The following MAP4 variants were observed in gnomAD, a reference collection of about 807,000 sequenced individuals.
The protein encoded by MAP4 is microtubule-associated protein 4.
MAP4 carries 76 observed loss-of-function variants against 170.2 expected under a neutral mutation model. The observed-to-expected ratio is 0.45, with a 90% CI of 0.37 to 0.54. The LOEUF is 0.54. Among genes scored for constraint, MAP4 ranks in the 20% least tolerant of loss-of-function variants. The pLI, the probability that MAP4 is intolerant of heterozygous loss-of-function variation, is 0.00. For synonymous variants in MAP4, 909 were observed against 994.5 expected (o/e 0.91, Z 1.62); for missense variants, 2,506 against 2,748.0 (o/e 0.91, Z 1.97).
At chr3:48,027,082 A>G (rs1028174869) in intron 1 of MAP4, among the ~76,000 whole-genome samples, 1 of 152,228 alleles carries the variant, frequency 6.6e-6, no homozygotes, top group Non-Finnish European at 1.5e-5. Flanking sequence ...GCCTAGAAAA[A>G]AGTGTATCTA....
chr3:47,926,854 G>A (rs1011328435), intron 4 of MAP4, among the ~76,000 whole-genome samples: 14 of 152,054 alleles, frequency 9.2e-5, no homozygotes, highest in Non-Finnish European at 1.8e-4. Context: ...TACTTTAAAT[G>A]GGTAAACTGT....
chr3:48,019,785 C>G (rs1013798685), upstream of MAP4, among the ~76,000 whole-genome samples: 4 of 152,064 alleles, frequency 2.6e-5, no homozygotes, highest in African/African-American at 9.7e-5. Flanking sequence ...CTGAGGTGGA[C>G]GGATCACTTC....
intron 10 of MAP4, among the ~76,000 whole-genome samples, chr3:47,879,025 G>C (rs2096124280): frequency 6.6e-6 from 1 of 152,132 alleles, no homozygotes; most frequent in South Asian, 2.1e-4. Flanking sequence ...CCAATTTCTA[G>C]TAATTTATCC....
chr3:47,922,782 G>T (rs1476268544), intron 4 of MAP4, among the ~76,000 whole-genome samples: 1 of 152,364 alleles, frequency 6.6e-6, no homozygotes, highest in East Asian at 1.9e-4. Flanking sequence ...GGGCATGGTG[G>T]TTCATGCCTG....
Position 47,950,698 on chromosome 3 carries a change from T to C in MAP4, c.293-22348A>G, listed in dbSNP as rs111444477. On this transcript the variant is annotated intron_variant, in intron 3 of 20. Transcript: ENST00000683076. ...GAAAGAATCAGTGAAGCTTTTCAAG[T>C]AGATGAGATATATTTGAATATGTAA... 2.0e-3 allele frequency among the ~76,000 whole-genome samples: 303 copies of C among 152,286 alleles called. 1 individual carries two copies. The highest frequency in any genetic ancestry group is 7.0e-3 in the African/African-American group (289 of 41,566).
intron 1 of MAP4, among the ~76,000 whole-genome samples, chr3:48,002,977 A>ATAAATAAAT (rs149205385): frequency 2.7e-5 from 4 of 150,854 alleles, no homozygotes; most frequent in African/African-American, 9.7e-5. Context: ...AAATAAATAA[A>ATAAATAAAT]TAAATAAATA....
rs1210423536 is a variant in MAP4, at chr3:47,851,289, T to TG, written c.*1644dup. On this transcript the variant is annotated 3_prime_UTR_variant, in exon 21 of 21. Coordinates refer to ENST00000683076, the MANE Select transcript of MAP4 (RefSeq NM_001385682.1). ...GTGTGTGCTTGGGGAGCTAGGGACA[T>TG]GGTGTCAAACCTCCACAAGGCACTG... 2 of 152,162 alleles carry TG rather than the reference T, an allele frequency of 1.3e-5. No homozygotes were observed. The highest frequency in any genetic ancestry group is 2.9e-5 in the Non-Finnish European group (2 of 68,046). The allele number at this position is 152,162 out of a possible 1,614,324, so 9.4% of individuals were successfully genotyped here. A position where few individuals can be genotyped will look rare whatever the true frequency, so the allele number is the denominator to read the frequency against.
chr3:47,875,537 A>C, intron 12 of MAP4, 148 bp downstream of exon 12: 1 of 771,970 alleles, frequency 1.3e-6, no homozygotes, highest in East Asian at 2.8e-5. Context: ...TAGCCATGCC[A>C]ATTTTCAAAT....
rs1314865336 is a variant in MAP4 at position 47,912,335 on chromosome 3, C to T, written c.2086G>A (p.Ala696Thr). ...CCCAGCAGCTCAGGAGGGACCCTGG[C>T]AGGCTTGGGCCGGGTTGACCTGCGG... Reference protein sequence around the residue: ...SDRRSTRPKPARVPPELLGGS... With the variant: ...SDRRSTRPKPTRVPPELLGGS... The change falls in exon 9 of 21, where the codon GCC (alanine) becomes ACC (threonine). Residue 696 changes from alanine (A) to threonine (T), a missense_variant. Physicochemically the swap from Ala to Thr is moderately conservative, Grantham distance 58 (BLOSUM62 0). Around this residue, in one of 3 missense-constraint regions of MAP4, gnomAD observed 2,008 missense variants for 2,206.0 expected, o/e 0.91. Coordinates refer to ENST00000683076, the MANE Select transcript of MAP4 (RefSeq NM_001385682.1). The T allele has an allele frequency of 6.5e-7, 1 of 1,536,110 alleles. No individual in the cohort carries two copies. The highest frequency in any genetic ancestry group is 1.2e-5 in the South Asian group (1 of 84,062).
upstream of MAP4, among the ~76,000 whole-genome samples, chr3:48,018,433 A>G (rs766986271): frequency 4.6e-5 from 7 of 152,200 alleles, no homozygotes; most frequent in Non-Finnish European, 1.0e-4. Context: ...AGAAGTTCCA[A>G]AATTACAAAA....
chr3:47,957,055 T>C (rs186777257), intron 3 of MAP4, among the ~76,000 whole-genome samples: 1 of 152,358 alleles, frequency 6.6e-6, no homozygotes, highest in East Asian at 1.9e-4. Context: ...AGAATAGACA[T>C]GTATTCTGGA....
intron 2 of MAP4, among the ~76,000 whole-genome samples, chr3:47,997,707 CAAAGAAAGAAAGAAAG>C (rs59915035): frequency 2.0e-5 from 3 of 149,798 alleles, no homozygotes; most frequent in African/African-American, 7.4e-5. Flanking sequence ...CTAGACTTAT[CAAAGAAAGAAAGAAAG>C]AAAGAAAGAA....
chr3:47,969,448 T>C (rs2100077223), intron 3 of MAP4, among the ~76,000 whole-genome samples: 2 of 150,866 alleles, frequency 1.3e-5, no homozygotes, highest in African/African-American at 2.4e-5. Context: ...ATTAGTACCA[T>C]AATAGATGGA....
chr3:47,856,547 T>C (rs532106999), intron 18 of MAP4, among the ~76,000 whole-genome samples: 1 of 152,138 alleles, frequency 6.6e-6, no homozygotes, highest in East Asian at 1.9e-4. Context: ...CTCTGCCTCC[T>C]GGGTTCAAGC....
At chr3:47,880,974 A>G (rs2152666935) in intron 10 of MAP4, among the ~76,000 whole-genome samples, 1 of 152,284 alleles carries the variant, frequency 6.6e-6, no homozygotes, top group East Asian at 1.9e-4. Context: ...TGGGTTACAG[A>G]AGTCCCCAGC....
intron 1 of MAP4, among the ~76,000 whole-genome samples, chr3:48,045,462 A>G (rs1054833737): frequency 6.6e-5 from 10 of 152,060 alleles, no homozygotes; most frequent in African/African-American, 2.4e-4. Flanking sequence ...TGAACTGTGC[A>G]TGCGAGGGCT....
chr3:48,030,996 C>T (rs1168193922), intron 1 of MAP4, among the ~76,000 whole-genome samples: 2 of 152,160 alleles, frequency 1.3e-5, no homozygotes, highest in East Asian at 3.9e-4. Flanking sequence ...AACCCTTCAT[C>T]CTTTACATGT....
intron 1 of MAP4, among the ~76,000 whole-genome samples, chr3:48,084,754 T>C (rs992805255): frequency 6.6e-6 from 1 of 151,934 alleles, no homozygotes. Flanking sequence ...TTTGTTGTTG[T>C]TGTTTTTGTT....
intron 1 of MAP4, among the ~76,000 whole-genome samples, chr3:48,046,922 GTC>G (rs1381239892): frequency 6.6e-6 from 1 of 151,308 alleles, no homozygotes; most frequent in Admixed American, 6.6e-5. Context: ...GTTAAACCCC[GTC>G]TCTACTAAAA....
Sources: gnomAD v4.1 joint callset for allele counts (sites outside exome capture counted in the v4.1 genomes callset) on GRCh38, gnomAD v4.1.1 for gene constraint, gnomAD v4.1.1 regional missense constraint, MANE v1.5 for transcripts, NCBI Gene and HGNC (gene_info 2026-07-23, HGNC 2026-07-21) for gene names.